The following DCST1 variants were observed in gnomAD, a reference collection of about 807,000 sequenced individuals.
The protein encoded by DCST1 is E3 ubiquitin-protein ligase DCST1.
Under a neutral mutation model 89.1 loss-of-function variants are expected in DCST1, and 78 were observed. That is an observed-to-expected ratio of 0.88 (90% CI 0.73 to 1.06). The LOEUF is 1.06. DCST1 is among the 50% of genes least tolerant of loss of function. The probability of loss-of-function intolerance (pLI) is 0.00; values close to 1 mark genes in which losing one functional copy is unlikely to be tolerated. For synonymous variants in DCST1, 364 were observed against 371.9 expected (o/e 0.98, Z 0.24); for missense variants, 900 against 928.6 (o/e 0.97, Z 0.40).
At chr1:155,046,339 C>A (rs374339664) in intron 12 of DCST1, 21 bp from the exon 13 acceptor site, 4 of 1,614,148 alleles carry the variant, frequency 2.5e-6, no homozygotes, top group Non-Finnish European at 3.4e-6. Flanking sequence ...CCCAGCTCTG[C>A]CCCTCCTGCT....
rs6680600 is a variant in DCST1, at chr1:155,034,523, C to T, written c.150C>T (p.Leu50=). Reference sequence around the variant, plus strand: ...CGGGCGAGTTTCCTGTCACTGCTCTCCTGCTGGGGGCAGGCGCTGGGGGGC... The same window carrying T: ...CGGGCGAGTTTCCTGTCACTGCTCTTCTGCTGGGGGCAGGCGCTGGGGGGC... ...RQPGEFPVTA[L]LLGAGAGGLL... Residue 50 remains leucine (L), a synonymous_variant, in exon 3 of 17, where the codon CTC becomes CTT. Transcript: ENST00000295542. The T allele has an allele frequency of 0.39, 631,653 of 1,613,146 alleles. 134,494 individuals carry two copies. Among genetic ancestry groups the T allele is most frequent in the East Asian group, 0.89 (39,903 of 44,822 alleles).
In DCST1 at chr1:155,048,090, G is replaced by T. The variant is rs145015807; in HGVS notation, c.1789G>T (p.Asp597Tyr). Reference sequence around the variant, plus strand: ...GAAGCGGATCCTGTTCCTCTACAATGACCTATTGAAGAAAAGAGCAGCCTT... The same window carrying T: ...GAAGCGGATCCTGTTCCTCTACAATTACCTATTGAAGAAAAGAGCAGCCTT... ...EKKRILFLYN[D>Y]LLKKRAAFTK... Residue 597 changes from aspartate to tyrosine, a missense_variant, in exon 16 of 17, where the codon GAC (aspartate) becomes TAC (tyrosine). Coordinates refer to ENST00000295542, the MANE Select transcript of DCST1 (RefSeq NM_152494.4). 1.4e-5 allele frequency: 23 copies of T among 1,613,862 alleles called. No homozygotes were observed. The highest frequency in any genetic ancestry group is 1.9e-5 in the Non-Finnish European group (23 of 1,180,010).
rs1571563781 is a variant in DCST1 at position 155,042,722 on chromosome 1, C to T, written c.893-13C>T. On this transcript the variant is annotated splice_polypyrimidine_tract_variant and intron_variant, in intron 8 of 16. Transcript: ENST00000295542. ...GCCCGGGGAGGCCCCTGACCCCGTC[C>T]ACTGTTCACCAGTGATGGAGGTTTG... is the stretch of plus-strand genomic sequence containing the variant. The T allele has an allele frequency of 1.2e-6, 2 of 1,614,098 alleles. No homozygotes were observed.
At chr1:155,040,365 C>T (rs1660403849) in intron 5 of DCST1, 120 bp from the exon 6 acceptor site, 4 of 1,062,634 alleles carry the variant, frequency 3.8e-6, no homozygotes, top group Non-Finnish European at 3.8e-6. Flanking sequence ...CTTTCATAGG[C>T]TCTCGGCCCC....
chr1:155,034,950 C>T (rs151175890), intron 4 of DCST1: 17 of 579,108 alleles, frequency 2.9e-5, no homozygotes, highest in African/African-American at 2.0e-4. Flanking sequence ...TTCCGAGGGA[C>T]TCCCCATCAC....
intron 2 of DCST1, 158 bp from the exon 3 acceptor site, chr1:155,034,277 T>C (rs910340715): frequency 1.6e-5 from 25 of 1,577,782 alleles, no homozygotes; most frequent in African/African-American, 6.7e-5. Context: ...CCCATACCAC[T>C]TCCTCAGGCT....
At chr1:155,047,720 G>C in intron 14 of DCST1, 67 bp from the exon 15 acceptor site, 3 of 1,492,526 alleles carry the variant, frequency 2.0e-6, no homozygotes, top group Non-Finnish European at 2.8e-6. Flanking sequence ...GGGATGGGAA[G>C]TCCAACCCAG....
Position 155,048,162 on chromosome 1 carries a change from A to T in DCST1, c.1861A>T (p.Lys621Ter). The change falls in exon 16 of 17, where the codon AAG becomes TAG. Residue 621 changes from lysine (K) to a stop codon, truncating the protein, a stop_gained. Coordinates refer to ENST00000295542, the MANE Select transcript of DCST1 (RefSeq NM_152494.4). LOFTEE classifies it high-confidence loss of function. ...TATCCTGAGGCGGGAGCGACAGCAG[A>T]AGGCTCCGGTAAGTCCAGGCGTAAG... is the stretch of plus-strand genomic sequence containing the variant. ...AAILRRERQQ[K>*]APRHPLADIL... The T allele has an allele frequency of 6.2e-7, 1 of 1,613,830 alleles. No individual in the cohort carries two copies.
intron 16 of DCST1, among the ~76,000 whole-genome samples, chr1:155,048,565 C>A (rs966129553): frequency 6.6e-6 from 1 of 152,076 alleles, no homozygotes; most frequent in African/African-American, 2.4e-5. Flanking sequence ...CTTCCAAAGT[C>A]CTAGGATTAC....
At chr1:155,048,929 C>T (rs1660753244) in intron 16 of DCST1, 14 of 688,400 alleles carry the variant, frequency 2.0e-5, no homozygotes, top group Non-Finnish European at 3.2e-5. Context: ...TGGTAAGGCA[C>T]ATGGAATCTG....
chr1:155,039,632 T>C, intron 5 of DCST1, 101 bp downstream of exon 5: 3 of 1,404,276 alleles, frequency 2.1e-6, no homozygotes, highest in Admixed American at 2.5e-5. Flanking sequence ...AGGAGTGTCA[T>C]CCCAGCTGCT....
In DCST1 at chr1:155,047,871, T is replaced by A. The variant is rs752101495; in HGVS notation, c.1697T>A (p.Leu566Gln). 2 of 1,614,190 alleles carry A rather than the reference T, an allele frequency of 1.2e-6. No homozygotes were observed. The highest frequency in any genetic ancestry group is 4.5e-5 in the East Asian group (2 of 44,882). Residue 566 changes from leucine to glutamine, a missense_variant, in exon 15 of 17, where the codon CTG (leucine) becomes CAG (glutamine). Physicochemically the swap from Leu to Gln is moderately radical, Grantham distance 113. Transcript: ENST00000295542. ...ATTGGCCTGTTAGTGTGTCTCTGCC[T>A]GTTACAGGCTTTTGGCTACCGACTC... ...VPIGLLVCLC[L>Q]LQAFGYRLRR...
Position 155,033,827 on chromosome 1 carries a change from C to G in DCST1, c.-93C>G, listed in dbSNP as rs1471184870. On this transcript the variant is annotated 5_prime_UTR_variant, in exon 1 of 17. Coordinates refer to ENST00000295542, the MANE Select transcript of DCST1 (RefSeq NM_152494.4). The stretch of plus-strand genomic sequence containing the variant: ...CTGCATATGTCTTGGAATCCTTGAC[C>G]CAGTTCCGAGGACTGGAGAGGGGAT... 7.0e-7 allele frequency: 1 copy of G among 1,435,940 alleles called. No homozygotes were observed. Among genetic ancestry groups the G allele is most frequent in the East Asian group, 2.3e-5 (1 of 43,376 alleles). The allele number at this position is 1,435,940 out of a possible 1,614,324, so 88.9% of individuals were successfully genotyped here.
At chr1:155,050,592 G>A (rs1381936881) in intron 16 of DCST1, 25 bp from the exon 17 acceptor site, 2 of 1,553,526 alleles carry the variant, frequency 1.3e-6, no homozygotes, top group East Asian at 4.6e-5. Context: ...CTCCCGGGCT[G>A]GCGCTAACGC....
Position 155,034,980 on chromosome 1 carries a change from C to A in DCST1, c.262+253C>A, listed in dbSNP as rs1047614040. On this transcript the variant is annotated intron_variant, in intron 4 of 16. Transcript: ENST00000295542. ...CATCACCCACATGATATAGTCCAAC[C>A]CCATAACCCTTCATAACTCTCATCT... 4.9e-5 allele frequency: 26 copies of A among 532,208 alleles called. No homozygotes were observed. The East Asian group carries it at 8.5e-4, about 17-fold the overall frequency. 33.0% of individuals were successfully genotyped at this position (532,208 alleles called of 1,614,324 possible).
Position 155,050,734 on chromosome 1 carries a change from C to T in DCST1, c.1987C>T (p.Leu663=). Residue 663 remains leucine (L), a synonymous_variant, in exon 17 of 17, where the codon CTG becomes TTG. Transcript: ENST00000295542. The part of the protein sequence containing the change: ...ETPESYVCRT[L]DCEAVYCWSC... Reference sequence around the variant, plus strand: ...GCCCGAGTCCTACGTGTGCCGGACGCTGGACTGCGAGGCCGTGTACTGCTG... The same window carrying T: ...GCCCGAGTCCTACGTGTGCCGGACGTTGGACTGCGAGGCCGTGTACTGCTG... The T allele has an allele frequency of 6.2e-7, 1 of 1,610,654 alleles. No homozygotes were observed. Among genetic ancestry groups the T allele is most frequent in the African/African-American group, 1.3e-5 (1 of 74,962 alleles).
intron 5 of DCST1, 74 bp downstream of exon 5, chr1:155,039,605 G>A: frequency 6.9e-7 from 1 of 1,453,436 alleles, no homozygotes; most frequent in Non-Finnish European, 9.1e-7. Context: ...AGCCAGGCCG[G>A]GTGAAGGAGA....
chr1:155,045,693 G>GTCTCCCCCCTTTTTCT (rs1285720827), intron 10 of DCST1, 200 bp from the exon 11 acceptor site: 1 of 593,516 alleles, frequency 1.7e-6, no homozygotes, highest in African/African-American at 1.9e-5. Context: ...GTAGGGGGAT[G>GTCTCCCCCCTTTTTCT]TCTTCCTCTA....
At position 155,037,506 on chromosome 1, in the gene DCST1, C is replaced by T. The variant is rs564849154; in HGVS notation, c.263-1897C>T. Among the ~76,000 whole-genome samples, 720 of 149,642 alleles carry T rather than the reference C, an allele frequency of 4.8e-3. 4 individuals are homozygous for T. Among genetic ancestry groups the T allele is most frequent in the Non-Finnish European group, 8.0e-3 (543 of 67,694 alleles). On this transcript the variant is annotated intron_variant, in intron 4 of 16. Transcript: ENST00000295542. Reference sequence around the variant, plus strand: ...TCCCCCAGGCTGGAATGCAGTGGCACGATCTCAGCTCACTGCAATCTCCGC... The same window carrying T: ...TCCCCCAGGCTGGAATGCAGTGGCATGATCTCAGCTCACTGCAATCTCCGC...
Sources: gnomAD v4.1 joint callset for allele counts (sites outside exome capture counted in the v4.1 genomes callset) on GRCh38, gnomAD v4.1.1 for gene constraint, MANE v1.5 for transcripts, NCBI Gene and HGNC (gene_info 2026-07-23, HGNC 2026-07-21) for gene names.